The following ARFGEF3 variants were observed in gnomAD, a reference collection of about 807,000 sequenced individuals.
ARFGEF3 encodes ARFGEF family member 3, also known as brefeldin A-inhibited guanine nucleotide-exchange protein 3.
ARFGEF3 carries 96 observed loss-of-function variants against 221.7 expected under a neutral mutation model. That is an observed-to-expected ratio of 0.43 (90% confidence interval 0.37 to 0.51). The LOEUF (loss-of-function observed/expected upper bound fraction) is 0.51, where lower values mean the gene tolerates loss of function less well. ARFGEF3 is among the 20% of genes least tolerant of loss of function. The pLI is 0.00. For missense variants in ARFGEF3, 2,410 were observed against 2,789.9 expected, an observed-to-expected ratio of 0.86 and a Z score of 3.07; for synonymous variants, 1,145 against 1,126.8, an observed-to-expected ratio of 1.02 and a Z score of -0.32.
In ARFGEF3 at chr6:138,242,936, G is replaced by A. The variant is rs1778420607; in HGVS notation, c.544-16G>A. On this transcript the variant is annotated splice_polypyrimidine_tract_variant and intron_variant, in intron 6 of 33. Transcript: ENST00000251691. Reference sequence around the variant, plus strand: ...GCCTGAATCTCCTAATTGTGTGTGTGTATCTCCCTTACTAGATAATTGAAA... The same window carrying A: ...GCCTGAATCTCCTAATTGTGTGTGTATATCTCCCTTACTAGATAATTGAAA... 6.2e-7 allele frequency: 1 copy of A among 1,603,466 alleles called. No homozygotes were observed. The highest frequency in any genetic ancestry group is 1.3e-5 in the African/African-American group (1 of 74,840).
intron 1 of ARFGEF3, among the ~76,000 whole-genome samples, chr6:138,165,834 A>C (rs544721117): frequency 7.9e-5 from 12 of 152,346 alleles, no homozygotes; most frequent in Admixed American, 6.5e-4. Context: ...GGTGATCATC[A>C]CCATATTTAG....
At chr6:138,175,703 C>T (rs1264274005) in intron 2 of ARFGEF3, among the ~76,000 whole-genome samples, 1 of 152,160 alleles carries the variant, frequency 6.6e-6, no homozygotes, top group African/African-American at 2.4e-5. Context: ...CGATCAAGAA[C>T]AATTAGAATA....
At chr6:138,242,091 CT>C (rs1778403045) in intron 6 of ARFGEF3, among the ~76,000 whole-genome samples, 1 of 152,192 alleles carries the variant, frequency 6.6e-6, no homozygotes, top group Non-Finnish European at 1.5e-5. Context: ...AGCAGCTGAG[CT>C]TGCAAATTAA....
intron 2 of ARFGEF3, among the ~76,000 whole-genome samples, chr6:138,177,286 A>G (rs571772431): frequency 3.5e-4 from 53 of 151,198 alleles, no homozygotes; most frequent in African/African-American, 8.8e-4. Flanking sequence ...TTGTTTGTTT[A>G]TTTGTTTGTT....
In ARFGEF3 at chr6:138,170,795, G is replaced by T. The variant is rs995721947; in HGVS notation, c.137+82G>T. 41 of 806,082 alleles carry T rather than the reference G, an allele frequency of 5.1e-5. No homozygotes were observed. The East Asian group carries it at 9.8e-4, about 19-fold the overall frequency. The allele number at this position is 806,082 out of a possible 1,614,324, so 49.9% of individuals were successfully genotyped here. ...AGATAACCACATTGGTTTACAGTGTGTCTTAGTTTGTTTTGTGCTGCTATA... is the reference window on the plus strand; with the variant it reads ...AGATAACCACATTGGTTTACAGTGTTTCTTAGTTTGTTTTGTGCTGCTATA... On this transcript the variant is annotated intron_variant, in intron 2 of 33. Transcript: ENST00000251691.
chr6:138,281,872 C>A (rs767705672), intron 14 of ARFGEF3, among the ~76,000 whole-genome samples: 23 of 152,148 alleles, frequency 1.5e-4, no homozygotes, highest in Admixed American at 2.6e-4. Context: ...TCATCGCTTG[C>A]CTTAGTAAGT....
chr6:138,184,271 G>A (rs551186069), intron 2 of ARFGEF3, among the ~76,000 whole-genome samples: 1 of 152,116 alleles, frequency 6.6e-6, no homozygotes, highest in African/African-American at 2.4e-5. Context: ...CCTCATAGCT[G>A]TGGAATTAAT....
rs1780333724 is a variant in ARFGEF3, at chr6:138,336,756, G to A, written c.*270G>A. ...CCTTGATATGTTTCTAACTCTTGAA[G>A]TATATTTCCCAGTGCTTTTGCTTAC... On this transcript the variant is annotated 3_prime_UTR_variant, in exon 34 of 34. Coordinates refer to ENST00000251691, the MANE Select transcript of ARFGEF3 (RefSeq NM_020340.5). The A allele has an allele frequency of 3.9e-6, 1 of 254,862 alleles. No homozygotes were observed. The highest frequency in any genetic ancestry group is 7.4e-6 in the Non-Finnish European group (1 of 135,734). The allele number at this position is 254,862 out of a possible 1,614,324, so 15.8% of individuals were successfully genotyped here.
At chr6:138,222,286 G>A (rs1307808395) in intron 4 of ARFGEF3, among the ~76,000 whole-genome samples, 1 of 152,166 alleles carries the variant, frequency 6.6e-6, no homozygotes, top group Non-Finnish European at 1.5e-5. Context: ...AACTTATAAT[G>A]TTTTAAGAAA....
intron 20 of ARFGEF3, among the ~76,000 whole-genome samples, chr6:138,295,879 G>T (rs1240722546): frequency 6.6e-6 from 1 of 152,156 alleles, no homozygotes; most frequent in Non-Finnish European, 1.5e-5. Flanking sequence ...GTTTATTGAG[G>T]GTCCCCAAGG....
chr6:138,334,381 C>A lies in ARFGEF3; in HGVS notation c.5535C>A (p.Asp1845Glu). ...TGAAGAAGGTCCTTTTTGAGGACGA[C>A]GAGAGAAGCACGGATTCTTCCCAGC... ...EQVKKVLFED[D>E]ERSTDSSQQC... The change falls in exon 33 of 34, where the codon GAC becomes GAA. Residue 1845 changes from aspartate (D) to glutamate (E), a missense_variant. Around this residue, in one of 5 missense-constraint regions of ARFGEF3, gnomAD observed 723 missense variants for 991.9 expected, o/e 0.73. Transcript: ENST00000251691. The surrounding 1 kb of genome is among the most constrained non-coding windows in gnomAD (Gnocchi z 5.1). 6.2e-7 allele frequency: 1 copy of A among 1,613,224 alleles called. No individual in the cohort carries two copies. The highest frequency in any genetic ancestry group is 8.5e-7 in the Non-Finnish European group (1 of 1,179,680).
intron 4 of ARFGEF3, among the ~76,000 whole-genome samples, chr6:138,211,785 T>G (rs1562354833): frequency 6.6e-6 from 1 of 152,212 alleles, no homozygotes; most frequent in Non-Finnish European, 1.5e-5. Flanking sequence ...GTCGCACCTA[T>G]TTTGAAAACT....
chr6:138,175,934 G>T (rs918874802), intron 2 of ARFGEF3, among the ~76,000 whole-genome samples: 6 of 151,870 alleles, frequency 4.0e-5, no homozygotes, highest in African/African-American at 1.5e-4. Context: ...TCCAGTGTTG[G>T]GTACATATAT....
rs1780325737 is a variant in ARFGEF3 at position 138,336,440 on chromosome 6, G to A, written c.6488G>A (p.Arg2163Lys). Residue 2163 changes from arginine (R) to lysine (K), a missense_variant, in exon 34 of 34, where the codon AGG (arginine) becomes AAG (lysine). By Grantham distance (26) the Arg-to-Lys change is conservative. Coordinates refer to ENST00000251691, the MANE Select transcript of ARFGEF3 (RefSeq NM_020340.5). ...VTDIRVRQAV[R>K]EWLGRVGRVY... Reference sequence around the variant, plus strand: ...GACATCAGAGTTCGCCAGGCTGTGAGGGAGTGGCTGGGCAGGGTGGGCCGT... The same window carrying A: ...GACATCAGAGTTCGCCAGGCTGTGAAGGAGTGGCTGGGCAGGGTGGGCCGT... 1.2e-6 allele frequency: 2 copies of A among 1,613,080 alleles called. No individual in the cohort carries two copies. Among genetic ancestry groups the A allele is most frequent in the Middle Eastern group, 1.7e-4 (1 of 6,060 alleles).
At chr6:138,243,558 C>G (rs1335483237) in intron 7 of ARFGEF3, among the ~76,000 whole-genome samples, 1 of 152,062 alleles carries the variant, frequency 6.6e-6, no homozygotes, top group Non-Finnish European at 1.5e-5. Context: ...TTTTTAAAAA[C>G]AGGTTTGATA....
chr6:138,262,849 C>T lies in ARFGEF3; in HGVS notation c.1366C>T (p.Leu456=). 6.2e-7 allele frequency: 1 copy of T among 1,614,026 alleles called. No individual in the cohort carries two copies. ...CGAAGGTCAGGTGCAACTGCTGCTT[C>T]TGCGCCTTGAGGAGCTGAAGGATGG... The part of the protein sequence containing the change: ...LSEGQVQLLL[L]RLEELKDGAE... Residue 456 remains leucine, a synonymous_variant, in exon 12 of 34, where the codon CTG becomes TTG. Transcript: ENST00000251691.
intron 2 of ARFGEF3, among the ~76,000 whole-genome samples, chr6:138,175,527 C>T (rs1475207000): frequency 6.6e-6 from 1 of 152,160 alleles, no homozygotes; most frequent in African/African-American, 2.4e-5. Context: ...TCATCCTCCC[C>T]ATGTCCTTTT....
chr6:138,329,397 G>T (rs1408056623), intron 32 of ARFGEF3, among the ~76,000 whole-genome samples: 1 of 152,118 alleles, frequency 6.6e-6, no homozygotes, highest in African/African-American at 2.4e-5. Flanking sequence ...GGGCGCAATG[G>T]CTCATACCTA....
rs545607265 is a variant in ARFGEF3, at chr6:138,337,238, G to C, written c.*752G>C. On this transcript the variant is annotated 3_prime_UTR_variant, in exon 34 of 34. Coordinates refer to ENST00000251691, the MANE Select transcript of ARFGEF3 (RefSeq NM_020340.5). ...AGTACCCAGTGAAAGTGGCTGGTAC[G>C]TAGATTGTCAAGAGACATAAGACCG... 1.3e-5 allele frequency: 2 copies of C among 152,758 alleles called. No individual in the cohort carries two copies. The highest frequency in any genetic ancestry group is 4.1e-4 in the South Asian group (2 of 4,820). The allele number at this position is 152,758 out of a possible 1,614,324, so 9.5% of individuals were successfully genotyped here.
Sources: gnomAD v4.1 joint callset for allele counts (sites outside exome capture counted in the v4.1 genomes callset) on GRCh38, gnomAD v4.1.1 for gene constraint, gnomAD v4.1.1 regional missense constraint, Gnocchi (gnomAD v3.1) non-coding constraint, MANE v1.5 for transcripts, NCBI Gene and HGNC (gene_info 2026-07-23, HGNC 2026-07-21) for gene names.